Variants in HAGH observed in about 807,000 individuals in gnomAD.
HAGH encodes hydroxyacylglutathione hydrolase.
Under a neutral mutation model 35.1 loss-of-function variants are expected in HAGH, and 29 were observed. That is an observed-to-expected ratio of 0.83 (90% confidence interval 0.62 to 1.13). HAGH has a LOEUF of 1.13. Among genes scored for constraint, HAGH ranks in the 50% most tolerant of loss-of-function variants. The pLI is 0.00. For synonymous variants in HAGH, 225 were observed against 176.1 expected (o/e 1.28, Z -2.20); for missense variants, 478 against 419.6 (o/e 1.14, Z -1.22).
chr16:1,826,454 CG>C, intron 1 of HAGH: 2 of 653,662 alleles, frequency 3.1e-6, no homozygotes, highest in Non-Finnish European at 3.8e-6. Flanking sequence ...GGGGCGCGGC[CG>C]GCCCAGCCCG....
chr16:1,817,310 G>C, intron 5 of HAGH, 39 bp from the exon 6 acceptor site: 1 of 1,301,686 alleles, frequency 7.7e-7, no homozygotes, highest in Non-Finnish European at 1.1e-6. Flanking sequence ...GGCCACTTGA[G>C]GCTGGTGGCT....
chr16:1,814,037 C>T (rs1408738887), intron 7 of HAGH, among the ~76,000 whole-genome samples: 2 of 152,228 alleles, frequency 1.3e-5, no homozygotes, highest in African/African-American at 4.8e-5. Flanking sequence ...CACACACAAA[C>T]ACCATCTTGA....
chr16:1,817,583 G>A (rs144040945), intron 5 of HAGH, among the ~76,000 whole-genome samples: 2 of 152,054 alleles, frequency 1.3e-5, no homozygotes, highest in Non-Finnish European at 2.9e-5. Context: ...CCCCAAACAC[G>A]CAGCAGCCCC....
At position 1,822,302 on chromosome 16, in the gene HAGH, G is replaced by A. The variant is rs765409849; in HGVS notation, c.312C>T (p.His104=). ...CCCAGGTGAGACGCGGCACTTACCA[G>A]TGGTGGTGGGTGGTGAGCACTGTGG... The part of the protein sequence containing the change: ...KLTTVLTTHH[H]WDHAGGNEKL... Residue 104 remains histidine (H), a splice_region_variant and synonymous_variant, in exon 3 of 9, where the codon CAC becomes CAT. Transcript: ENST00000397356. 15 of 1,605,410 alleles carry A rather than the reference G, an allele frequency of 9.3e-6. No individual in the cohort carries two copies. The highest frequency in any genetic ancestry group is 1.2e-5 in the Non-Finnish European group (14 of 1,172,896).
intron 5 of HAGH, among the ~76,000 whole-genome samples, chr16:1,817,777 G>A (rs924399192): frequency 1.6e-4 from 25 of 152,274 alleles, no homozygotes; most frequent in Non-Finnish European, 1.8e-4. Context: ...GCCTCAGGAC[G>A]GCATCCCCAC....
At chr16:1,817,669 C>A (rs545378271) in intron 5 of HAGH, among the ~76,000 whole-genome samples, 13 of 152,374 alleles carry the variant, frequency 8.5e-5, no homozygotes, top group African/African-American at 3.1e-4. Flanking sequence ...GGTCTCACCA[C>A]CCTGGCTGAG....
In HAGH at chr16:1,817,865, C is replaced by T. The variant is rs143396154; in HGVS notation, c.542-594G>A. ...GGCTGTCCTGGCCTCGCTGACCTCA[C>T]GTGGCCGTCTGCCCCAGAAACAGGG... On this transcript the variant is annotated intron_variant, in intron 5 of 8. Transcript: ENST00000397356. Among the ~76,000 whole-genome samples the T allele has an allele frequency of 5.1e-3, 777 of 152,352 alleles. 6 individuals carry two copies. Among genetic ancestry groups the T allele is most frequent in the Middle Eastern group, 0.01 (3 of 294 alleles).
chr16:1,815,078 G>T (rs1316923405), intron 7 of HAGH, among the ~76,000 whole-genome samples: 1 of 151,866 alleles, frequency 6.6e-6, no homozygotes, highest in Non-Finnish European at 1.5e-5. Context: ...AACTTCATGA[G>T]AAGGCATCCA....
rs1202449876 is a variant in HAGH at position 1,809,333 on chromosome 16, T to A, written c.877A>T (p.Met293Leu). 6.2e-7 allele frequency: 1 copy of A among 1,613,772 alleles called. No homozygotes were observed. Among genetic ancestry groups the A allele is most frequent in the Admixed American group, 1.7e-5 (1 of 60,022 alleles). The change falls in exon 9 of 9, where the codon ATG becomes TTG. Residue 293 changes from methionine (M) to leucine (L), a missense_variant. Coordinates refer to ENST00000397356, the MANE Select transcript of HAGH (RefSeq NM_005326.6). ...TCCTTCTCCCTGCGCACGGCCCGCA[T>A]GGTGGTCACCGGGTCCGTCTCACCT... ...HAGETDPVTT[M>L]RAVRREKDQF...
intron 1 of HAGH, among the ~76,000 whole-genome samples, chr16:1,826,037 TTC>T (rs1344435617): frequency 6.6e-6 from 1 of 152,210 alleles, no homozygotes; most frequent in Non-Finnish European, 1.5e-5. Context: ...AAAACTGTAA[TTC>T]TGAGGACCTC....
At chr16:1,815,181 T>C (rs1897838113) in intron 7 of HAGH, among the ~76,000 whole-genome samples, 1 of 151,970 alleles carries the variant, frequency 6.6e-6, no homozygotes, top group South Asian at 2.1e-4. Flanking sequence ...ATGGCAAAAA[T>C]TGGAGAGACC....
Position 1,809,362 on chromosome 16 carries a change from T to A in HAGH, c.848A>T (p.His283Leu). The A allele has an allele frequency of 6.2e-7, 1 of 1,612,244 alleles. No individual in the cohort carries two copies. Among genetic ancestry groups the A allele is most frequent in the Non-Finnish European group, 8.5e-7 (1 of 1,179,786 alleles). ...GGTCACCGGGTCCGTCTCACCTGCG[T>A]GCTGCTGCACCGTCTTCTCCCTGCG... The part of the protein sequence containing the change: ...MRVREKTVQQ[H>L]AGETDPVTTM... The change falls in exon 9 of 9, where the codon CAC becomes CTC. Residue 283 changes from histidine (H) to leucine (L), a missense_variant. Transcript: ENST00000397356.
At chr16:1,814,622 G>A (rs778929246) in intron 7 of HAGH, among the ~76,000 whole-genome samples, 4 of 152,198 alleles carry the variant, frequency 2.6e-5, no homozygotes, top group Non-Finnish European at 5.9e-5. Flanking sequence ...TATCTCAGCT[G>A]GGCGTGGTGG....
At chr16:1,822,827 T>A in intron 2 of HAGH, 38 bp downstream of exon 2, 4 of 1,585,492 alleles carry the variant, frequency 2.5e-6, no homozygotes, top group Non-Finnish European at 1.7e-6. Flanking sequence ...CCGAGCTGGG[T>A]GACCAGGGCA....
chr16:1,822,400 C>T (rs745499482), intron 2 of HAGH, 36 bp from the exon 3 acceptor site: 10 of 1,504,548 alleles, frequency 6.6e-6, no homozygotes, highest in Admixed American at 1.7e-5. Context: ...AGGCCTGTCA[C>T]ACTCCTAGGC....
chr16:1,820,134 A>G lies in HAGH; in HGVS notation c.315-120T>C, dbSNP rs962850194. On this transcript the variant is annotated intron_variant, in intron 3 of 8. Coordinates refer to ENST00000397356, the MANE Select transcript of HAGH (RefSeq NM_005326.6). ...CTGCTCTTAAACCCTAGTCAAACGC[A>G]ACACTTATTTTCCACTCACAAAGGA... 19 of 721,820 alleles carry G rather than the reference A, an allele frequency of 2.6e-5. No individual in the cohort carries two copies. In the African/African-American group the frequency reaches 3.4e-4, roughly 13 times the overall value. The allele number at this position is 721,820 out of a possible 1,614,324, so 44.7% of individuals were successfully genotyped here.
intron 1 of HAGH, among the ~76,000 whole-genome samples, chr16:1,823,744 TAAAAAAAAAAAA>T (rs71145496): frequency 2.0e-4 from 11 of 55,916 alleles, no homozygotes; most frequent in South Asian, 6.9e-4. Context: ...ACCTGTTCCT[TAAAAAAAAAAAA>T]AAAAAAAAAA....
intron 5 of HAGH, among the ~76,000 whole-genome samples, chr16:1,818,364 C>T (rs966180283): frequency 1.3e-5 from 2 of 152,192 alleles, no homozygotes; most frequent in African/African-American, 4.8e-5. Flanking sequence ...CCGTCCCTCC[C>T]GCCATGCCCT....
chr16:1,822,213 G>T (rs921987308), intron 3 of HAGH, 87 bp downstream of exon 3: 54 of 814,650 alleles, frequency 6.6e-5, no homozygotes, highest in African/African-American at 1.8e-4. Context: ...ACAGAGCCGT[G>T]GGGGGAGACA....
Sources: allele counts gnomAD v4.1 joint callset (sites outside exome capture counted in the v4.1 genomes callset), GRCh38; gene constraint gnomAD v4.1.1; transcripts MANE v1.5; gene names NCBI Gene and HGNC (gene_info 2026-07-23, HGNC 2026-07-21).